CCDC102B: variants seen among roughly 807,000 people sequenced by gnomAD.
The protein encoded by CCDC102B is coiled-coil domain-containing protein 102B.
Under a neutral mutation model 57.4 loss-of-function variants are expected in CCDC102B, and 75 were observed. The observed-to-expected ratio is 1.31, with a 90% CI of 1.08 to 1.58. The LOEUF (loss-of-function observed/expected upper bound fraction) is 1.58, where lower values mean the gene tolerates loss of function less well. Ranked by LOEUF, CCDC102B falls within the 40% of genes most tolerant of loss-of-function variation. CCDC102B has a pLI of 0.00. For missense variants in CCDC102B, 636 were observed against 582.6 expected, an observed-to-expected ratio of 1.09 and a Z score of -0.94; for synonymous variants, 206 against 201.9, an observed-to-expected ratio of 1.02 and a Z score of -0.17.
At chr18:68,970,028 C>T (rs190325498) in intron 6 of CCDC102B, among the ~76,000 whole-genome samples, 1 of 151,972 alleles carries the variant, frequency 6.6e-6, no homozygotes, top group Non-Finnish European at 1.5e-5. Context: ...AATCCATCAG[C>T]CATGGTTGTT....
At chr18:69,027,666 CTT>C (rs66690936) in intron 7 of CCDC102B, among the ~76,000 whole-genome samples, 3,208 of 149,264 alleles carry the variant, frequency 0.021, 102 homozygotes, top group African/African-American at 0.07. Context: ...GAAGGTGATC[CTT>C]TTTTTTTTTT....
intron 7 of CCDC102B, among the ~76,000 whole-genome samples, chr18:69,018,219 C>T (rs991298365): frequency 2.6e-5 from 4 of 152,166 alleles, no homozygotes; most frequent in Admixed American, 6.5e-5. Context: ...CACATACACA[C>T]ACATGCGTAT....
At position 68,821,384 on chromosome 18, in the gene CCDC102B, A is replaced by G. The variant is rs373746116; in HGVS notation, c.-15-15365A>G. 2.4e-4 allele frequency among the ~76,000 whole-genome samples: 36 copies of G among 151,160 alleles called. No individual in the cohort carries two copies. The East Asian group carries it at 2.7e-3, about 11-fold the overall frequency. On this transcript the variant is annotated intron_variant, in intron 1 of 7. Coordinates refer to ENST00000360242, the MANE Select transcript of CCDC102B (RefSeq NM_024781.3). ...ATAAAATTTTAAAAATTAATTTTAT[A>G]AATATAATATCTTTATTAATATTTT...
chr18:68,977,863 T>G (rs974541868), intron 6 of CCDC102B, among the ~76,000 whole-genome samples: 2 of 152,008 alleles, frequency 1.3e-5, no homozygotes, highest in African/African-American at 4.8e-5. Context: ...TTGTAGTCTA[T>G]TAATCTTTGT....
At chr18:68,856,495 C>T (rs1183290785) in intron 4 of CCDC102B, among the ~76,000 whole-genome samples, 2 of 152,098 alleles carry the variant, frequency 1.3e-5, no homozygotes, top group Admixed American at 1.3e-4. Context: ...GGGGTTTTCT[C>T]ACTTTGTTAC....
intron 6 of CCDC102B, among the ~76,000 whole-genome samples, chr18:68,909,045 G>A (rs1193943745): frequency 1.3e-5 from 2 of 150,322 alleles, no homozygotes; most frequent in Admixed American, 6.6e-5. Flanking sequence ...TTAACAAATT[G>A]TGTTTACTCC....
chr18:68,911,481 G>T (rs56080490), intron 6 of CCDC102B, among the ~76,000 whole-genome samples: 2 of 150,886 alleles, frequency 1.3e-5, no homozygotes, highest in African/African-American at 2.5e-5. Context: ...GGCCGGGCGC[G>T]GTGGCTCACG....
chr18:68,739,709 G>A (rs2033302021), intron 2 of CCDC102B, among the ~76,000 whole-genome samples: 1 of 152,312 alleles, frequency 6.6e-6, no homozygotes, highest in South Asian at 2.1e-4. Context: ...AATGGTGTAT[G>A]TAGTTATTTT....
chr18:68,979,077 C>A (rs1048387274), intron 6 of CCDC102B, among the ~76,000 whole-genome samples: 20 of 151,980 alleles, frequency 1.3e-4, no homozygotes, highest in Admixed American at 9.9e-4. Flanking sequence ...GGAAAGGCTG[C>A]AGTATCGTCT....
chr18:68,812,519 C>T (rs2036306831), intron 1 of CCDC102B, among the ~76,000 whole-genome samples: 1 of 152,144 alleles, frequency 6.6e-6, no homozygotes, highest in Non-Finnish European at 1.5e-5. Context: ...TAAAGAACAA[C>T]ATAGCAGATC....
At chr18:68,974,161 G>C (rs2050374148) in intron 6 of CCDC102B, among the ~76,000 whole-genome samples, 1 of 152,016 alleles carries the variant, frequency 6.6e-6, no homozygotes, top group Admixed American at 6.6e-5. Context: ...GCAGTATTGG[G>C]AGCCTTATGG....
intron 2 of CCDC102B, among the ~76,000 whole-genome samples, chr18:68,723,187 A>G (rs556947317): frequency 1.3e-5 from 2 of 152,136 alleles, no homozygotes; most frequent in Non-Finnish European, 2.9e-5. Context: ...TATCATGAGA[A>G]GAGCATGGAG....
chr18:69,041,867 C>T (rs958074100), intron 7 of CCDC102B, among the ~76,000 whole-genome samples: 1 of 151,992 alleles, frequency 6.6e-6, no homozygotes, highest in Non-Finnish European at 1.5e-5. Flanking sequence ...CTTTCCAAAC[C>T]AGGTGGTCAG....
chr18:68,951,648 A>T (rs549818878), intron 6 of CCDC102B, among the ~76,000 whole-genome samples: 1 of 152,118 alleles, frequency 6.6e-6, no homozygotes, highest in East Asian at 2.0e-4. Flanking sequence ...TCTCTACTAA[A>T]AATATAAAAA....
At chr18:69,048,874 A>G (rs953340180) in intron 7 of CCDC102B, among the ~76,000 whole-genome samples, 4 of 152,106 alleles carry the variant, frequency 2.6e-5, no homozygotes, top group African/African-American at 9.7e-5. Context: ...TGTATAGAGG[A>G]GGATTGATAT....
At chr18:68,874,212 G>A (rs71370808) in intron 4 of CCDC102B, among the ~76,000 whole-genome samples, 84,732 of 120,218 alleles carry the variant, frequency 0.7, 26,037 homozygotes, top group Non-Finnish European at 0.71. Context: ...GTGTGTGTGT[G>A]TATATATATA....
intron 4 of CCDC102B, among the ~76,000 whole-genome samples, chr18:68,867,821 C>A (rs1242448148): frequency 2.0e-5 from 3 of 151,750 alleles, no homozygotes; most frequent in African/African-American, 7.3e-5. Context: ...GTAGTCCCAG[C>A]TACTCGACAG....
chr18:69,015,851 T>C (rs2051650388), intron 7 of CCDC102B, among the ~76,000 whole-genome samples: 1 of 151,870 alleles, frequency 6.6e-6, no homozygotes, highest in African/African-American at 2.4e-5. Flanking sequence ...TGGCACATTT[T>C]TTTATTTTTA....
At chr18:68,768,182 C>T (rs939490524) in intron 2 of CCDC102B, among the ~76,000 whole-genome samples, 9 of 152,120 alleles carry the variant, frequency 5.9e-5, no homozygotes, top group Non-Finnish European at 8.8e-5. Flanking sequence ...TATTGATTCC[C>T]TGTTGCATAA....
Sources: gnomAD v4.1 joint callset for allele counts (sites outside exome capture counted in the v4.1 genomes callset) on GRCh38, gnomAD v4.1.1 for gene constraint, MANE v1.5 for transcripts, NCBI Gene and HGNC (gene_info 2026-07-23, HGNC 2026-07-21) for gene names.